The following ITGAV variants were observed in gnomAD, a reference collection of about 807,000 sequenced individuals.
The protein encoded by ITGAV is integrin subunit alpha V, also known as integrin alpha-V.
In ITGAV, 76 loss-of-function variants were observed where a neutral mutation model predicts 143.8. That is an observed-to-expected ratio of 0.53 (90% CI 0.44 to 0.64). The LOEUF is 0.64. ITGAV is among the 30% of genes least tolerant of loss of function. ITGAV has a pLI of 0.00. For synonymous variants in ITGAV, 453 were observed against 446.7 expected, an observed-to-expected ratio of 1.01 and a Z score of -0.18; for missense variants, 1,193 against 1,274.7, an observed-to-expected ratio of 0.94 and a Z score of 0.98.
At position 186,677,329 on chromosome 2, in the gene ITGAV, A is replaced by T; in HGVS notation, c.*37A>T. 6.8e-7 allele frequency: 1 copy of T among 1,462,524 alleles called. No individual in the cohort carries two copies. Among genetic ancestry groups the T allele is most frequent in the Non-Finnish European group, 9.5e-7 (1 of 1,050,170 alleles). The allele number at this position is 1,462,524 out of a possible 1,614,324, so 90.6% of individuals were successfully genotyped here. A position where few individuals can be genotyped will look rare whatever the true frequency, so the allele number is the denominator to read the frequency against. ...AAGTTATGCTACATCTTGACCCACTAGAATTAGCAACTTTATTATAGATTT... is the reference window on the plus strand; with the variant it reads ...AAGTTATGCTACATCTTGACCCACTTGAATTAGCAACTTTATTATAGATTT... On this transcript the variant is annotated 3_prime_UTR_variant, in exon 30 of 30. Transcript: ENST00000261023.
chr2:186,620,743 A>G (rs1358780630), intron 2 of ITGAV, among the ~76,000 whole-genome samples: 1 of 152,184 alleles, frequency 6.6e-6, no homozygotes, highest in Non-Finnish European at 1.5e-5. Flanking sequence ...AAAAATAGAA[A>G]TATTCCTAAA....
intron 28 of ITGAV, among the ~76,000 whole-genome samples, chr2:186,676,464 T>C (rs1689211549): frequency 6.6e-6 from 1 of 151,954 alleles, no homozygotes; most frequent in South Asian, 2.1e-4. Context: ...ATTAGCTGGG[T>C]ATAGTGGCGC....
At chr2:186,618,394 A>G (rs1687426602) in intron 2 of ITGAV, among the ~76,000 whole-genome samples, 1 of 152,240 alleles carries the variant, frequency 6.6e-6, no homozygotes, top group African/African-American at 2.4e-5. Context: ...TTGGTTTCCA[A>G]AAAGATATGT....
In ITGAV at chr2:186,668,798, A is replaced by G. The variant is rs1444116250; in HGVS notation, c.2470A>G (p.Met824Val). The G allele has an allele frequency of 9.9e-6, 16 of 1,613,620 alleles. No homozygotes were observed. Among genetic ancestry groups the G allele is most frequent in the Admixed American group, 6.7e-5 (4 of 59,946 alleles). ...NNGPSSFSKAMLHLQWPYKYN... is the reference protein window; with the variant it reads ...NNGPSSFSKAVLHLQWPYKYN... ...TGGTCCAAGTTCATTCAGCAAGGCAATGCTCCATCTTCAGTGGCCTTACAA... is the reference window on the plus strand; with the variant it reads ...TGGTCCAAGTTCATTCAGCAAGGCAGTGCTCCATCTTCAGTGGCCTTACAA... The change falls in exon 25 of 30, where the codon ATG (methionine) becomes GTG (valine). Residue 824 changes from methionine to valine, a missense_variant. Coordinates refer to ENST00000261023, the MANE Select transcript of ITGAV (RefSeq NM_002210.5).
chr2:186,638,895 TCC>T (rs374409723), intron 10 of ITGAV, among the ~76,000 whole-genome samples: 1 of 146,634 alleles, frequency 6.8e-6, no homozygotes, highest in Non-Finnish European at 1.5e-5. Context: ...TGTTTTTGTT[TCC>T]TTTTTTTTTT....
At chr2:186,653,329 T>C (rs1256586203) in intron 15 of ITGAV, among the ~76,000 whole-genome samples, 1 of 152,040 alleles carries the variant, frequency 6.6e-6, no homozygotes, top group Non-Finnish European at 1.5e-5. Flanking sequence ...TAATGAAAAA[T>C]CTTGACCCAT....
At chr2:186,608,434 C>G (rs1199445092) in intron 2 of ITGAV, among the ~76,000 whole-genome samples, 1 of 152,110 alleles carries the variant, frequency 6.6e-6, no homozygotes, top group Non-Finnish European at 1.5e-5. Context: ...CCTCAGCTAG[C>G]TCTAGAATCA....
intron 2 of ITGAV, among the ~76,000 whole-genome samples, chr2:186,610,089 T>C (rs1476713121): frequency 2.0e-5 from 3 of 152,144 alleles, no homozygotes; most frequent in Non-Finnish European, 4.4e-5. Flanking sequence ...ACCCGTCTTA[T>C]TAATTTTCCT....
intron 26 of ITGAV, among the ~76,000 whole-genome samples, chr2:186,670,679 A>G (rs1217708940): frequency 6.6e-6 from 1 of 152,132 alleles, no homozygotes. Flanking sequence ...CAACCATTCA[A>G]TTGCCTAGTG....
At chr2:186,667,475 G>A (rs762346171) in intron 23 of ITGAV, among the ~76,000 whole-genome samples, 196 bp from the exon 24 acceptor site, 1 of 152,144 alleles carries the variant, frequency 6.6e-6, no homozygotes, top group African/African-American at 2.4e-5. Flanking sequence ...TACACAAATT[G>A]TCAATTCACC....
chr2:186,658,506 A>G (rs973380302), intron 17 of ITGAV, among the ~76,000 whole-genome samples: 7 of 152,168 alleles, frequency 4.6e-5, no homozygotes, highest in Admixed American at 6.5e-5. Context: ...AATAGCAAAA[A>G]CAAAACCCAT....
At chr2:186,617,657 T>G (rs1248705894) in intron 2 of ITGAV, among the ~76,000 whole-genome samples, 1 of 152,178 alleles carries the variant, frequency 6.6e-6, no homozygotes, top group Non-Finnish European at 1.5e-5. Flanking sequence ...TCTTCTCAAC[T>G]TTATTAGAGA....
At chr2:186,603,942 G>T (rs1307225129) in intron 2 of ITGAV, among the ~76,000 whole-genome samples, 1 of 150,676 alleles carries the variant, frequency 6.6e-6, no homozygotes, top group Non-Finnish European at 1.5e-5. Flanking sequence ...ATGGCTCATT[G>T]CAGCCTCCAC....
chr2:186,667,507 G>A (rs3213963), intron 23 of ITGAV, 164 bp from the exon 24 acceptor site: 98,486 of 516,848 alleles, frequency 0.19, 9,978 homozygotes, highest in Middle Eastern at 0.22. Flanking sequence ...CATTTCATAA[G>A]AGCAGTTTTT....
chr2:186,641,483 G>A lies in ITGAV; in HGVS notation c.1054G>A (p.Ala352Thr), dbSNP rs1263833811. Residue 352 changes from alanine (A) to threonine (T), a missense_variant, in exon 12 of 30, where the codon GCT (alanine) becomes ACT (threonine). Ala to Thr is a moderately conservative substitution (Grantham distance 58). Coordinates refer to ENST00000261023, the MANE Select transcript of ITGAV (RefSeq NM_002210.5). ...VGQVSVSLQRASGDFQTTKLN... is the reference protein window; with the variant it reads ...VGQVSVSLQRTSGDFQTTKLN... ...GCAGGTCTCAGTGTCTCTACAGAGA[G>A]CTTCAGGAGACTTCCAGACGACAAA... The A allele has an allele frequency of 5.0e-6, 8 of 1,614,014 alleles. No individual in the cohort carries two copies. The East Asian group carries it at 6.7e-5, about 13-fold the overall frequency.
chr2:186,617,455 A>G (rs1687396996), intron 2 of ITGAV, among the ~76,000 whole-genome samples: 1 of 152,248 alleles, frequency 6.6e-6, no homozygotes, highest in African/African-American at 2.4e-5. Context: ...TCTGTCCTCA[A>G]GCATGCAGTC....
chr2:186,657,877 G>C (rs1353987833), intron 17 of ITGAV, among the ~76,000 whole-genome samples: 1 of 151,902 alleles, frequency 6.6e-6, no homozygotes, highest in Non-Finnish European at 1.5e-5. Flanking sequence ...AAACGACAAA[G>C]CCCAGATGGT....
intron 1 of ITGAV, among the ~76,000 whole-genome samples, chr2:186,597,374 G>A (rs1686775305): frequency 6.6e-6 from 1 of 152,156 alleles, no homozygotes; most frequent in Non-Finnish European, 1.5e-5. Context: ...TTTAATAGAG[G>A]ATGCTTTCTG....
At chr2:186,616,071 G>A (rs1177989686) in intron 2 of ITGAV, among the ~76,000 whole-genome samples, 1 of 152,006 alleles carries the variant, frequency 6.6e-6, no homozygotes. Context: ...CTTTGCCACT[G>A]AATTTGCTTG....
Sources: gnomAD v4.1 joint callset for allele counts (sites outside exome capture counted in the v4.1 genomes callset) on GRCh38, gnomAD v4.1.1 for gene constraint, MANE v1.5 for transcripts, NCBI Gene and HGNC (gene_info 2026-07-23, HGNC 2026-07-21) for gene names.